Variants in PRKN observed in about 807,000 individuals in gnomAD.
PRKN encodes parkin RBR E3 ubiquitin protein ligase.
Under a neutral mutation model 59.5 loss-of-function variants are expected in PRKN, and 56 were observed. That is an observed-to-expected ratio of 0.94 (90% CI 0.76 to 1.18). The LOEUF (loss-of-function observed/expected upper bound fraction) is 1.18, where lower values mean the gene tolerates loss of function less well. PRKN is among the 50% of genes most tolerant of loss of function. The pLI is 0.00. For missense variants in PRKN, 657 were observed against 596.4 expected (o/e 1.10, Z -1.06); for synonymous variants, 250 against 222.1 (o/e 1.13, Z -1.12).
At chr6:161,831,590 A>G in intron 6 of PRKN, among the ~76,000 whole-genome samples, 1 of 152,190 alleles carries the variant, frequency 6.6e-6, no homozygotes, top group East Asian at 1.9e-4. Context: ...GCGAGGGAGC[A>G]CTGGTTCTGT....
At chr6:161,382,853 T>C (rs1015429022) in intron 10 of PRKN, among the ~76,000 whole-genome samples, 2 of 152,168 alleles carry the variant, frequency 1.3e-5, no homozygotes, top group African/African-American at 4.8e-5. Flanking sequence ...GAAAAGCTGA[T>C]TGGGACTCAA....
At chr6:161,823,851 C>T (rs1021282592) in intron 6 of PRKN, among the ~76,000 whole-genome samples, 3 of 152,166 alleles carry the variant, frequency 2.0e-5, no homozygotes, top group Admixed American at 6.5e-5. Context: ...GCAAGGTGAT[C>T]ACATGGCTAT....
chr6:161,834,284 A>T (rs776118906), intron 6 of PRKN, among the ~76,000 whole-genome samples: 1 of 152,194 alleles, frequency 6.6e-6, no homozygotes, highest in South Asian at 2.1e-4. Context: ...CCCTCCAGAA[A>T]GGCAGTGGGG....
intron 2 of PRKN, among the ~76,000 whole-genome samples, chr6:162,311,694 G>A (rs1033777961): frequency 6.6e-6 from 1 of 151,714 alleles, no homozygotes; most frequent in Admixed American, 6.6e-5. Flanking sequence ...GTGTTGGCCA[G>A]GCTATAAATA....
At chr6:161,662,569 T>C (rs1157448750) in intron 7 of PRKN, among the ~76,000 whole-genome samples, 1 of 152,184 alleles carries the variant, frequency 6.6e-6, no homozygotes, top group Non-Finnish European at 1.5e-5. Context: ...TGGCAGACAG[T>C]GGCACGTGGC....
At chr6:162,129,874 T>C (rs1781276174) in intron 4 of PRKN, among the ~76,000 whole-genome samples, 1 of 152,030 alleles carries the variant, frequency 6.6e-6, no homozygotes, top group African/African-American at 2.4e-5. Context: ...CCCTGTAGAG[T>C]GTTTACACTG....
At chr6:161,840,058 T>C (rs1030372593) in intron 6 of PRKN, among the ~76,000 whole-genome samples, 1 of 152,266 alleles carries the variant, frequency 6.6e-6, no homozygotes, top group Non-Finnish European at 1.5e-5. Flanking sequence ...GGAGCCAGCA[T>C]GGACAGCATC....
chr6:162,531,753 CA>C (rs1778524745), intron 1 of PRKN, among the ~76,000 whole-genome samples: 1 of 152,094 alleles, frequency 6.6e-6, no homozygotes. Flanking sequence ...GGTAGTCCTA[CA>C]AAGGCAATCT....
intron 6 of PRKN, among the ~76,000 whole-genome samples, chr6:161,874,562 A>AAAATATATATTATG (rs1562355463): frequency 1.2e-5 from 1 of 86,366 alleles, no homozygotes; most frequent in Non-Finnish European, 2.0e-5. Flanking sequence ...TATATTATAT[A>AAAATATATATTATG]TAAAATATAT....
intron 9 of PRKN, among the ~76,000 whole-genome samples, chr6:161,425,241 A>G (rs1227111095): frequency 6.6e-6 from 1 of 152,188 alleles, no homozygotes; most frequent in Non-Finnish European, 1.5e-5. Context: ...TGAACTGTAC[A>G]GCCCACCAGC....
At chr6:162,137,939 T>A (rs886080752) in intron 4 of PRKN, among the ~76,000 whole-genome samples, 6 of 152,134 alleles carry the variant, frequency 3.9e-5, no homozygotes, top group African/African-American at 1.4e-4. Flanking sequence ...ACTGAGGTAA[T>A]GCGGGACTGT....
intron 6 of PRKN, among the ~76,000 whole-genome samples, chr6:161,903,439 T>G (rs1778012430): frequency 6.6e-6 from 1 of 152,178 alleles, no homozygotes; most frequent in Non-Finnish European, 1.5e-5. Context: ...GAAGTCAAAC[T>G]TCGCGAAGGC....
intron 1 of PRKN, among the ~76,000 whole-genome samples, chr6:162,627,463 TGAG>T (rs1234022231): frequency 6.6e-6 from 1 of 152,120 alleles, no homozygotes; most frequent in Non-Finnish European, 1.5e-5. Flanking sequence ...TTATAGGTAA[TGAG>T]GAGTTATCAG....
At chr6:162,639,885 A>G (rs189166055) in intron 1 of PRKN, among the ~76,000 whole-genome samples, 3 of 152,186 alleles carry the variant, frequency 2.0e-5, no homozygotes, top group Middle Eastern at 6.3e-3. Context: ...GTATTGAGCA[A>G]CTATGAAAGA....
intron 4 of PRKN, among the ~76,000 whole-genome samples, chr6:162,180,311 C>T (rs1583161178): frequency 6.6e-6 from 1 of 152,048 alleles, no homozygotes; most frequent in African/African-American, 2.4e-5. Flanking sequence ...TTGTGTGTAA[C>T]TCAAAGAAAA....
At chr6:162,139,892 A>AG (rs932656157) in intron 4 of PRKN, among the ~76,000 whole-genome samples, 11 of 95,290 alleles carry the variant, frequency 1.2e-4, no homozygotes, top group African/African-American at 3.6e-4. Flanking sequence ...CTCCATCTCA[A>AG]AAAAAAAAAA....
At position 161,459,358 on chromosome 6, in the gene PRKN, G is replaced by T. The variant is rs567545463; in HGVS notation, c.1084-72481C>A. Among the ~76,000 whole-genome samples the T allele has an allele frequency of 6.6e-6, 1 of 152,186 alleles. No individual in the cohort carries two copies. Among genetic ancestry groups the T allele is most frequent in the African/African-American group, 2.4e-5 (1 of 41,450 alleles). On this transcript the variant is annotated intron_variant, in intron 9 of 11. Transcript: ENST00000366898. The surrounding 1 kb of genome is among the most constrained non-coding windows in gnomAD (Gnocchi z 4.8). Reference sequence around the variant, plus strand: ...GTGACTATTAATTCCAGAATATGGTGTGAATTAAGTAATTCATTTGGTTTT... The same window carrying T: ...GTGACTATTAATTCCAGAATATGGTTTGAATTAAGTAATTCATTTGGTTTT...
rs910154978 is a variant in PRKN at position 161,402,115 on chromosome 6, T to C, written c.1084-15238A>G. 2.0e-5 allele frequency among the ~76,000 whole-genome samples: 3 copies of C among 152,068 alleles called. No individual in the cohort carries two copies. Among genetic ancestry groups the C allele is most frequent in the African/African-American group, 7.2e-5 (3 of 41,388 alleles). ...GTCATCACCGCCCTGACAGTCTCAG[T>C]GGCAGGCCAGGCTCTAAAGGCTCCT... is the stretch of plus-strand genomic sequence containing the variant. On this transcript the variant is annotated intron_variant, in intron 9 of 11. Transcript: ENST00000366898. The surrounding 1 kb of genome is among the most constrained non-coding windows in gnomAD (Gnocchi z 4.5).
chr6:161,957,432 G>GTTTTTT (rs759971034), intron 6 of PRKN, among the ~76,000 whole-genome samples: 25 of 112,854 alleles, frequency 2.2e-4, no homozygotes, highest in Non-Finnish European at 2.7e-4. Context: ...TTGTTTGTTT[G>GTTTTTT]TTTGTTTTTT....
Sources: allele counts gnomAD v4.1 joint callset (sites outside exome capture counted in the v4.1 genomes callset), GRCh38; gene constraint gnomAD v4.1.1; non-coding constraint Gnocchi (gnomAD v3.1); transcripts MANE v1.5; gene names NCBI Gene and HGNC (gene_info 2026-07-23, HGNC 2026-07-21).